The following EIF1AX variants were observed in gnomAD, a reference collection of about 807,000 sequenced individuals.
EIF1AX encodes the protein eukaryotic translation initiation factor 1A X-linked.
In EIF1AX, 1 loss-of-function variant was observed where a neutral mutation model predicts 16.1. The ratio of observed to expected loss-of-function variants is 0.06; its 90% CI spans 0.02 to 0.30. The LOEUF is 0.30. Ranked by LOEUF, EIF1AX falls within the 10% of genes least tolerant of loss-of-function variation. The probability of loss-of-function intolerance (pLI) is 1.00; values close to 1 mark genes in which losing one functional copy is unlikely to be tolerated. For missense variants in EIF1AX, 11 were observed against 109.1 expected (o/e 0.10, Z 4.00); for synonymous variants, 32 against 37.3 (o/e 0.86, Z 0.51).
chrX:20,137,710 T>G (rs1177949275), intron 2 of EIF1AX, among the ~76,000 whole-genome samples: 1 of 111,908 alleles, frequency 8.9e-6, no homozygotes, highest in Admixed American at 9.5e-5. Flanking sequence ...TACGAAGTTA[T>G]ATGCTAATGG....
In EIF1AX at chrX:20,138,658, CATTA is replaced by C. The variant is rs779812636; in HGVS notation, c.17-40_17-37del. ...AAAAAAAAGAAAAGGAGGTAAATGA[CATTA>C]ATTATCTGTAAAACAGTATGAAATA... On this transcript the variant is annotated intron_variant, in intron 1 of 6. Transcript: ENST00000379607. 467 of 942,078 alleles carry C rather than the reference CATTA, an allele frequency of 5.0e-4. 1 individual carries two copies. The highest frequency in any genetic ancestry group is 3.7e-3 in the South Asian group (169 of 45,315). 77.6% of individuals were successfully genotyped at this position (942,078 alleles called of 1,213,427 possible). A position where few individuals can be genotyped will look rare whatever the true frequency, so the allele number is the denominator to read the frequency against.
At chrX:20,137,215 C>T (rs1003831566) in intron 2 of EIF1AX, among the ~76,000 whole-genome samples, 3 of 111,363 alleles carry the variant, frequency 2.7e-5, no homozygotes, top group Non-Finnish European at 3.8e-5. Context: ...GAGGCCGAGA[C>T]GGGTGGATCA....
rs2066980773 is a variant in EIF1AX at position 20,125,034 on chromosome X, C to T, written c.*3272G>A. The T allele has an allele frequency of 6.9e-6, 1 of 145,728 alleles. No homozygotes were observed. Among genetic ancestry groups the T allele is most frequent in the Non-Finnish European group, 1.4e-5 (1 of 72,821 alleles). 12.0% of individuals were successfully genotyped at this position (145,728 alleles called of 1,213,427 possible). A position where few individuals can be genotyped will look rare whatever the true frequency, so the allele number is the denominator to read the frequency against. Reference sequence around the variant, plus strand: ...TATAAACATCTAAATTATCAATCCTCCCAACAATTCTGCATGACAGGTACT... The same window carrying T: ...TATAAACATCTAAATTATCAATCCTTCCAACAATTCTGCATGACAGGTACT... On this transcript the variant is annotated 3_prime_UTR_variant, in exon 7 of 7. Transcript: ENST00000379607.
chrX:20,132,355 C>T, intron 4 of EIF1AX, 92 bp from the exon 5 acceptor site: 3 of 571,954 alleles, frequency 5.2e-6, no homozygotes, highest in Non-Finnish European at 8.1e-6. Context: ...ACAATCAAAT[C>T]TCACCGTTTT....
At chrX:20,139,853 A>G (rs1313396441) in intron 1 of EIF1AX, 1 of 112,412 alleles carries the variant, frequency 8.9e-6, no homozygotes, top group African/African-American at 3.2e-5. Flanking sequence ...TCTGCGCTGT[A>G]ATTCTTAAAT....
chrX:20,139,731 A>T (rs950617936), intron 1 of EIF1AX, among the ~76,000 whole-genome samples: 1 of 111,686 alleles, frequency 9.0e-6, no homozygotes, highest in Non-Finnish European at 1.9e-5. Context: ...TCCTCTAAGT[A>T]AGATAACTAA....
At chrX:20,135,713 T>C in intron 3 of EIF1AX, 25 bp downstream of exon 3, 1 of 1,112,020 alleles carries the variant, frequency 9.0e-7, no homozygotes, top group Non-Finnish European at 1.2e-6. Flanking sequence ...CAATTTTATA[T>C]TAAAGTAAAA....
At chrX:20,130,005 G>C (rs1307273447) in intron 6 of EIF1AX, among the ~76,000 whole-genome samples, 2 of 111,286 alleles carry the variant, frequency 1.8e-5, no homozygotes, top group South Asian at 3.8e-4. Flanking sequence ...AGGGTTATAA[G>C]AATTCTCAAA....
chrX:20,138,660 T>C (rs1283969120), intron 1 of EIF1AX, 38 bp from the exon 2 acceptor site: 1 of 950,648 alleles, frequency 1.1e-6, no homozygotes, highest in Admixed American at 2.7e-5. Context: ...GTAAATGACA[T>C]TAATTATCTG....
In EIF1AX at chrX:20,132,072, A is replaced by C. The variant is rs1354973367; in HGVS notation, c.337+110T>G. 1.2e-5 allele frequency: 6 copies of C among 500,622 alleles called. No individual in the cohort carries two copies. The African/African-American group carries it at 1.2e-4, about 10-fold the overall frequency. 41.3% of individuals were successfully genotyped at this position (500,622 alleles called of 1,213,427 possible). A position where few individuals can be genotyped will look rare whatever the true frequency, so the allele number is the denominator to read the frequency against. ...AGCATAGGCAGGCATACTTAAAACT[A>C]AAAATGTGAGCACTAAAGTAAATAA... is the stretch of plus-strand genomic sequence containing the variant. On this transcript the variant is annotated intron_variant, in intron 5 of 6. Transcript: ENST00000379607.
intron 2 of EIF1AX, among the ~76,000 whole-genome samples, chrX:20,138,172 T>G (rs2067023557): frequency 9.2e-6 from 1 of 108,313 alleles, no homozygotes; most frequent in Non-Finnish European, 1.9e-5. Flanking sequence ...ACCCAGCTAA[T>G]TTTTGTAATT....
In EIF1AX at chrX:20,126,055, A is replaced by ATGC. The variant is rs1345555997; in HGVS notation, c.*2248_*2250dup. On this transcript the variant is annotated 3_prime_UTR_variant, in exon 7 of 7. Coordinates refer to ENST00000379607, the MANE Select transcript of EIF1AX (RefSeq NM_001412.4). ...AAGTGGAATAAACATTGCAACAAAA[A>ATGC]TGCAACCCAATCAAAATCATTAGTA... 1.5e-5 allele frequency: 2 copies of ATGC among 131,869 alleles called. No homozygotes were observed. The highest frequency in any genetic ancestry group is 6.6e-5 in the African/African-American group (2 of 30,319). 10.9% of individuals were successfully genotyped at this position (131,869 alleles called of 1,213,427 possible). A position where few individuals can be genotyped will look rare whatever the true frequency, so the allele number is the denominator to read the frequency against.
At chrX:20,130,644 T>C in intron 5 of EIF1AX, 37 bp from the exon 6 acceptor site, 1 of 1,122,068 alleles carries the variant, frequency 8.9e-7, no homozygotes, top group Non-Finnish European at 1.2e-6. Flanking sequence ...AAGTCAGCAC[T>C]GTAATTTACT....
chrX:20,133,443 C>T (rs987100812), intron 4 of EIF1AX, among the ~76,000 whole-genome samples: 2 of 110,473 alleles, frequency 1.8e-5, no homozygotes, highest in Admixed American at 9.6e-5. Context: ...CAATGTCCCT[C>T]GGAGGGCAAA....
intron 6 of EIF1AX, among the ~76,000 whole-genome samples, chrX:20,129,361 CT>C (rs1003076581): frequency 1.8e-5 from 2 of 111,523 alleles, no homozygotes; most frequent in African/African-American, 3.3e-5. Flanking sequence ...TGATCCTCCC[CT>C]ATCAGTCTCC....
At chrX:20,141,078 A>G (rs762987024) in intron 1 of EIF1AX, among the ~76,000 whole-genome samples, 1 of 111,802 alleles carries the variant, frequency 8.9e-6, no homozygotes, top group African/African-American at 3.2e-5. Flanking sequence ...GGATGGAGAG[A>G]GTAAATCTCT....
chrX:20,134,842 G>A (rs1373529521), intron 3 of EIF1AX, among the ~76,000 whole-genome samples: 1 of 112,432 alleles, frequency 8.9e-6, no homozygotes, highest in Non-Finnish European at 1.9e-5. Context: ...GGGACTTTTA[G>A]TCAACCTGAT....
At chrX:20,129,303 A>G (rs1260405084) in intron 6 of EIF1AX, among the ~76,000 whole-genome samples, 2 of 111,627 alleles carry the variant, frequency 1.8e-5, no homozygotes, top group African/African-American at 3.3e-5. Flanking sequence ...ATGTAGAGAC[A>G]AAGTCTGGCT....
Position 20,125,337 on chromosome X carries a change from C to T in EIF1AX, c.*2969G>A. The T allele has an allele frequency of 5.8e-6, 1 of 171,075 alleles. No individual in the cohort carries two copies. The highest frequency in any genetic ancestry group is 1.1e-5 in the Non-Finnish European group (1 of 88,773). The allele number at this position is 171,075 out of a possible 1,213,427, so 14.1% of individuals were successfully genotyped here. A position where few individuals can be genotyped will look rare whatever the true frequency, so the allele number is the denominator to read the frequency against. ...GAGTCTTGTGTCTTTTCACATTTTGCTCTTTTCTGAATAGGAAGAAAAAAA... is the reference window on the plus strand; with the variant it reads ...GAGTCTTGTGTCTTTTCACATTTTGTTCTTTTCTGAATAGGAAGAAAAAAA... On this transcript the variant is annotated 3_prime_UTR_variant, in exon 7 of 7. Coordinates refer to ENST00000379607, the MANE Select transcript of EIF1AX (RefSeq NM_001412.4).
Sources: allele counts gnomAD v4.1 joint callset (sites outside exome capture counted in the v4.1 genomes callset), GRCh38; gene constraint gnomAD v4.1.1; transcripts MANE v1.5; gene names NCBI Gene and HGNC (gene_info 2026-07-23, HGNC 2026-07-21).